IMMP2L: variants seen among roughly 807,000 people sequenced by gnomAD.
IMMP2L encodes the protein mitochondrial inner membrane protease subunit 2.
Under a neutral mutation model 19.3 loss-of-function variants are expected in IMMP2L, and 18 were observed. The observed-to-expected ratio is 0.93, with a 90% CI of 0.64 to 1.38. The LOEUF (loss-of-function observed/expected upper bound fraction) is 1.38. Ranked by LOEUF, IMMP2L falls within the 40% of genes most tolerant of loss-of-function variation. The pLI is 0.00. For missense variants in IMMP2L, 233 were observed against 218.2 expected (o/e 1.07, Z -0.43); for synonymous variants, 76 against 73.0 (o/e 1.04, Z -0.21).
intron 1 of IMMP2L, among the ~76,000 whole-genome samples, chr7:111,525,028 C>T (rs907894244): frequency 6.6e-6 from 1 of 152,114 alleles, no homozygotes; most frequent in African/African-American, 2.4e-5. Context: ...AGTCCCAGTC[C>T]CTGATCTTAT....
At chr7:111,031,391 T>TGA (rs1790799908) in intron 3 of IMMP2L, among the ~76,000 whole-genome samples, 1 of 72,954 alleles carries the variant, frequency 1.4e-5, no homozygotes, top group East Asian at 2.4e-4. Flanking sequence ...GGTGTGTGTG[T>TGA]GTGTGTGTGT....
At chr7:111,315,035 T>A (rs1438471372) in intron 3 of IMMP2L, among the ~76,000 whole-genome samples, 3 of 152,146 alleles carry the variant, frequency 2.0e-5, no homozygotes, top group African/African-American at 4.8e-5. Context: ...TATACGTGCA[T>A]ATCTCACCCA....
At chr7:111,208,893 T>G (rs1002476698) in intron 3 of IMMP2L, among the ~76,000 whole-genome samples, 9 of 152,174 alleles carry the variant, frequency 5.9e-5, no homozygotes, top group African/African-American at 1.9e-4. Context: ...AAATTAGCTA[T>G]CTCAAAGAAA....
chr7:110,718,476 C>T (rs1002199586), intron 5 of IMMP2L, among the ~76,000 whole-genome samples: 6 of 152,046 alleles, frequency 3.9e-5, no homozygotes, highest in South Asian at 4.2e-4. Context: ...GAGTTTTCTT[C>T]GGTGGCATTC....
intron 5 of IMMP2L, among the ~76,000 whole-genome samples, chr7:110,690,183 A>G (rs1793395771): frequency 6.6e-6 from 1 of 152,190 alleles, no homozygotes; most frequent in Non-Finnish European, 1.5e-5. Context: ...ACCTGTATCC[A>G]GTCTAAGAAT....
At chr7:111,488,611 A>C (rs2132285268) in intron 2 of IMMP2L, among the ~76,000 whole-genome samples, 1 of 152,214 alleles carries the variant, frequency 6.6e-6, no homozygotes, top group East Asian at 1.9e-4. Flanking sequence ...ATATTTTTGC[A>C]ACTGTAAATT....
At chr7:110,769,660 T>C (rs886315046) in intron 5 of IMMP2L, among the ~76,000 whole-genome samples, 2 of 152,052 alleles carry the variant, frequency 1.3e-5, no homozygotes, top group Admixed American at 1.3e-4. Flanking sequence ...CATTTATCCA[T>C]GCTATTCTGA....
At chr7:110,674,966 G>A (rs536513277) in intron 5 of IMMP2L, among the ~76,000 whole-genome samples, 2 of 152,228 alleles carry the variant, frequency 1.3e-5, no homozygotes, top group Admixed American at 6.5e-5. Flanking sequence ...GTCCCTCCCA[G>A]CCAGTCCAAT....
chr7:111,195,146 G>T (rs1809332411), intron 3 of IMMP2L, among the ~76,000 whole-genome samples: 1 of 151,776 alleles, frequency 6.6e-6, no homozygotes, highest in African/African-American at 2.4e-5. Flanking sequence ...ATAGATTTTT[G>T]GCTTCCATTT....
chr7:111,453,844 A>G (rs527758723), intron 3 of IMMP2L, among the ~76,000 whole-genome samples: 5 of 152,308 alleles, frequency 3.3e-5, no homozygotes, highest in East Asian at 3.9e-4. Context: ...ATTGCCTTAT[A>G]ATAAGCACTC....
intron 3 of IMMP2L, among the ~76,000 whole-genome samples, chr7:110,964,622 T>A (rs1819341611): frequency 6.6e-6 from 1 of 152,062 alleles, no homozygotes; most frequent in South Asian, 2.1e-4. Flanking sequence ...TCTCCTGGTA[T>A]GTATATCCTA....
intron 5 of IMMP2L, among the ~76,000 whole-genome samples, chr7:110,746,165 T>G (rs1254922153): frequency 6.6e-6 from 1 of 151,976 alleles, no homozygotes; most frequent in African/African-American, 2.4e-5. Flanking sequence ...AAGAAGGACA[T>G]TACATAATGG....
chr7:111,539,204 A>G lies in IMMP2L; in HGVS notation c.-2-17755T>C, dbSNP rs1182534549. Among the ~76,000 whole-genome samples, 15 of 33,946 alleles carry G rather than the reference A, an allele frequency of 4.4e-4. 1 individual carries two copies. The highest frequency in any genetic ancestry group is 2.5e-3 in the South Asian group (2 of 804). The allele number at this position is 33,946 out of a possible 152,430, so 22.3% of individuals were successfully genotyped here. ...GGAAGGAAGGAAGGAGGGAGAAAGA[A>G]AGAAAGAAAGAAAGAAAGAAAGAAA... On this transcript the variant is annotated intron_variant, in intron 1 of 5. Transcript: ENST00000405709.
intron 5 of IMMP2L, among the ~76,000 whole-genome samples, chr7:110,793,209 C>A (rs974917819): frequency 2.0e-5 from 3 of 151,940 alleles, no homozygotes; most frequent in Non-Finnish European, 4.4e-5. Flanking sequence ...CACTTGAGGC[C>A]GGGAGGTACA....
At chr7:111,274,952 G>C (rs76833630) in intron 3 of IMMP2L, among the ~76,000 whole-genome samples, 137 of 152,238 alleles carry the variant, frequency 9.0e-4, no homozygotes, top group Middle Eastern at 3.4e-3. Flanking sequence ...AGCTCTGTCT[G>C]CTTGACATCT....
At chr7:111,272,109 A>G (rs530114171) in intron 3 of IMMP2L, among the ~76,000 whole-genome samples, 1 of 152,244 alleles carries the variant, frequency 6.6e-6, no homozygotes, top group East Asian at 1.9e-4. Flanking sequence ...AAAATTCTCC[A>G]ATGACTTCTT....
chr7:110,910,198 G>A (rs1353994099), intron 4 of IMMP2L, among the ~76,000 whole-genome samples: 3 of 152,118 alleles, frequency 2.0e-5, no homozygotes, highest in Non-Finnish European at 2.9e-5. Context: ...CAGCATAAAT[G>A]CAACAGAGAG....
chr7:111,526,946 T>C (rs151022587), intron 1 of IMMP2L, among the ~76,000 whole-genome samples: 44 of 152,298 alleles, frequency 2.9e-4, no homozygotes, highest in African/African-American at 1.0e-3. Context: ...GAAACATTAA[T>C]AAAAGTTGCA....
At chr7:110,968,221 C>T (rs1045080714) in intron 3 of IMMP2L, among the ~76,000 whole-genome samples, 1 of 151,424 alleles carries the variant, frequency 6.6e-6, no homozygotes, top group Admixed American at 6.6e-5. Flanking sequence ...GTGGCCAGAC[C>T]ATCAAATCTG....
Sources: allele counts gnomAD v4.1 joint callset (sites outside exome capture counted in the v4.1 genomes callset), GRCh38; gene constraint gnomAD v4.1.1; transcripts MANE v1.5; gene names NCBI Gene and HGNC (gene_info 2026-07-23, HGNC 2026-07-21).